The following LRRC37A variants were observed in gnomAD, a reference collection of about 807,000 sequenced individuals.
The protein encoded by LRRC37A is leucine rich repeat containing 37A.
Under a neutral mutation model 35.4 loss-of-function variants are expected in LRRC37A, and 3 were observed. The ratio of observed to expected loss-of-function variants is 0.08; its 90% CI spans 0.04 to 0.22. LRRC37A has a LOEUF of 0.22. Among genes scored for constraint, LRRC37A ranks in the 10% least tolerant of loss-of-function variants. LRRC37A has a pLI of 1.00. For synonymous variants in LRRC37A, 23 were observed against 215.0 expected (o/e 0.11, Z 7.81); for missense variants, 67 against 565.3 (o/e 0.12, Z 8.94).
the LRRC37A span, among the ~76,000 whole-genome samples, chr17:46,277,755 T>C: frequency 6.6e-6 from 1 of 152,098 alleles, no homozygotes; most frequent in South Asian, 2.1e-4. Flanking sequence ...CAAATGATTT[T>C]CCTGCCTCAG....
At chr17:46,281,565 G>A in the LRRC37A span, among the ~76,000 whole-genome samples, 3 of 152,160 alleles carry the variant, frequency 2.0e-5, no homozygotes, top group African/African-American at 7.2e-5. Context: ...GAGTAGCTAG[G>A]ACTACAGGTG....
the LRRC37A span, among the ~76,000 whole-genome samples, chr17:46,278,820 G>A: frequency 0.11 from 17,003 of 149,140 alleles, no homozygotes; most frequent in Non-Finnish European, 0.17. Flanking sequence ...TTTTTGACAC[G>A]GAATTTTGCT....
chr17:46,257,652 TAAA>T, the LRRC37A span, among the ~76,000 whole-genome samples: 15 of 135,856 alleles, frequency 1.1e-4, no homozygotes, highest in Non-Finnish European at 1.7e-4. Context: ...TGTTTCTACT[TAAA>T]AAAAAAAAAA....
the LRRC37A span, among the ~76,000 whole-genome samples, chr17:46,286,119 T>C: frequency 6.6e-6 from 1 of 152,200 alleles, no homozygotes. Context: ...GAAATGTGAG[T>C]TCAAAACAGA....
chr17:46,288,489 G>C (rs545387215), upstream of LRRC37A, among the ~76,000 whole-genome samples: 19 of 151,788 alleles, frequency 1.3e-4, no homozygotes, highest in Non-Finnish European at 2.4e-4. Flanking sequence ...TTGCATTTTT[G>C]GTTGTGCCAC....
chr17:46,273,159 A>G, the LRRC37A span, among the ~76,000 whole-genome samples: 2 of 152,268 alleles, frequency 1.3e-5, no homozygotes, highest in African/African-American at 4.8e-5. Context: ...ATGAATAAAT[A>G]GTGCAGAAAT....
At chr17:46,268,593 C>G in the LRRC37A span, 1 of 1,540,486 alleles carries the variant, frequency 6.5e-7, no homozygotes, top group Non-Finnish European at 8.8e-7. Context: ...CCATCTCTGT[C>G]CAGGGGATGG....
the LRRC37A span, chr17:46,260,481 G>C: frequency 3.1e-6 from 5 of 1,594,174 alleles, no homozygotes; most frequent in Non-Finnish European, 3.4e-6. Flanking sequence ...ACCCAGCCTG[G>C]GGGTGGCCCG....
At chr17:46,319,212 A>AT (rs1225879085) in intron 5 of LRRC37A, among the ~76,000 whole-genome samples, 4 of 1,640 alleles carry the variant, frequency 2.4e-3, no homozygotes, top group African/African-American at 7.5e-3. Flanking sequence ...ATTGTGGTCA[A>AT]TTTTTTTTTT....
At chr17:46,278,165 C>T in the LRRC37A span, among the ~76,000 whole-genome samples, 5 of 152,026 alleles carry the variant, frequency 3.3e-5, no homozygotes, top group South Asian at 6.2e-4. Context: ...CAGCTGGTCT[C>T]GAACTCCTGA....
At chr17:46,267,068 G>T in the LRRC37A span, 1 of 306,790 alleles carries the variant, frequency 3.3e-6, no homozygotes, top group Non-Finnish European at 5.7e-6. Context: ...GCCGCGCAGG[G>T]ACGCGGAGCC....
chr17:46,261,695 G>C, the LRRC37A span, among the ~76,000 whole-genome samples: 1 of 150,696 alleles, frequency 6.6e-6, no homozygotes, highest in Non-Finnish European at 1.5e-5. Flanking sequence ...TTACAGGCCC[G>C]AGCCATGGTG....
chr17:46,263,627 G>C, the LRRC37A span, among the ~76,000 whole-genome samples: 2 of 151,490 alleles, frequency 1.3e-5, no homozygotes, highest in Non-Finnish European at 2.9e-5. Flanking sequence ...GGCTGAGCCG[G>C]GCAGATCACC....
At chr17:46,258,161 G>A in the LRRC37A span, among the ~76,000 whole-genome samples, 1 of 152,116 alleles carries the variant, frequency 6.6e-6, no homozygotes, top group Admixed American at 6.6e-5. Context: ...AAAAGAGAGA[G>A]AACACACACA....
At chr17:46,261,552 C>A in the LRRC37A span, among the ~76,000 whole-genome samples, 1 of 137,482 alleles carries the variant, frequency 7.3e-6, no homozygotes, top group South Asian at 2.1e-4. Context: ...GCTGGGATTA[C>A]AGGCACGCAC....
upstream of LRRC37A, among the ~76,000 whole-genome samples, chr17:46,291,160 C>T (rs2050055306): frequency 6.6e-6 from 1 of 152,186 alleles, no homozygotes; most frequent in Non-Finnish European, 1.5e-5. Context: ...AGAAAGAAAA[C>T]CTTGAGTTTC....
the LRRC37A span, among the ~76,000 whole-genome samples, chr17:46,265,264 CTT>C: frequency 4.7e-4 from 14 of 29,666 alleles, no homozygotes; most frequent in African/African-American, 1.2e-3. Flanking sequence ...TCTTCTTCTT[CTT>C]CTTCTTCTTC....
the LRRC37A span, among the ~76,000 whole-genome samples, chr17:46,279,702 C>T: frequency 1.3e-5 from 2 of 151,996 alleles, no homozygotes; most frequent in South Asian, 4.1e-4. Flanking sequence ...CCTCATGTTG[C>T]CCGGGCTGGT....
the LRRC37A span, among the ~76,000 whole-genome samples, chr17:46,282,004 G>C: frequency 6.6e-6 from 1 of 151,998 alleles, no homozygotes; most frequent in Non-Finnish European, 1.5e-5. Flanking sequence ...TACTTTTCTT[G>C]CTTCCTTGCC....
Sources: allele counts gnomAD v4.1 joint callset (sites outside exome capture counted in the v4.1 genomes callset), GRCh38; gene constraint gnomAD v4.1.1; transcripts MANE v1.5; gene names NCBI Gene and HGNC (gene_info 2026-07-23, HGNC 2026-07-21).